Variants in SND1 observed in about 807,000 individuals in gnomAD.
SND1 encodes staphylococcal nuclease and tudor domain containing 1.
SND1 carries 38 observed loss-of-function variants against 121.7 expected under a neutral mutation model. That is an observed-to-expected ratio of 0.31 (90% CI 0.24 to 0.41). The LOEUF (loss-of-function observed/expected upper bound fraction) is 0.41. SND1 is among the 10% of genes least tolerant of loss of function. The pLI is 1.00. For synonymous variants in SND1, 401 were observed against 447.4 expected (o/e 0.90, Z 1.31); for missense variants, 868 against 1,184.6 (o/e 0.73, Z 3.92).
intron 16 of SND1, among the ~76,000 whole-genome samples, chr7:127,993,332 T>C (rs1802563083): frequency 1.3e-5 from 2 of 152,234 alleles, no homozygotes; most frequent in Non-Finnish European, 2.9e-5. Context: ...TCTTGGGGAA[T>C]GCTTCTCTTT....
chr7:128,022,480 C>T (rs1803379175), intron 16 of SND1, among the ~76,000 whole-genome samples: 1 of 152,184 alleles, frequency 6.6e-6, no homozygotes, highest in African/African-American at 2.4e-5. Flanking sequence ...ATCATGCCAT[C>T]GTCTCAAATG....
At chr7:127,908,298 C>CA (rs398048113) in intron 14 of SND1, among the ~76,000 whole-genome samples, 77 of 134,456 alleles carry the variant, frequency 5.7e-4, no homozygotes, top group East Asian at 1.3e-3. Flanking sequence ...CCATCTCTAC[C>CA]AAAAAAAAAA....
At chr7:128,045,089 G>GA (rs1792923787) in intron 16 of SND1, among the ~76,000 whole-genome samples, 1 of 152,128 alleles carries the variant, frequency 6.6e-6, no homozygotes, top group African/African-American at 2.4e-5. Context: ...GCTGATGGGA[G>GA]AAAAAAGCAA....
At chr7:127,940,686 C>T (rs998817976) in intron 15 of SND1, among the ~76,000 whole-genome samples, 13 of 152,172 alleles carry the variant, frequency 8.5e-5, no homozygotes, top group African/African-American at 3.1e-4. Flanking sequence ...TTGCCCCCTT[C>T]CCCAAACTCC....
At chr7:128,031,240 C>T (rs765380664) in intron 16 of SND1, among the ~76,000 whole-genome samples, 130 of 152,170 alleles carry the variant, frequency 8.5e-4, no homozygotes, top group Non-Finnish European at 1.7e-3. Context: ...TGTCCTTGGA[C>T]CCTGGCACCG....
At chr7:127,777,756 G>T (rs1308074245) in intron 10 of SND1, among the ~76,000 whole-genome samples, 2 of 152,138 alleles carry the variant, frequency 1.3e-5, no homozygotes, top group Admixed American at 1.3e-4. Context: ...GACCAATCTG[G>T]TGTCCAACTC....
intron 15 of SND1, among the ~76,000 whole-genome samples, chr7:127,975,275 G>A (rs1020863690): frequency 3.3e-5 from 5 of 152,134 alleles, no homozygotes; most frequent in African/African-American, 1.2e-4. Flanking sequence ...CCCCAGTATT[G>A]AGTTGAGTGT....
chr7:127,877,283 T>G (rs967141036), intron 12 of SND1, among the ~76,000 whole-genome samples: 13 of 152,182 alleles, frequency 8.5e-5, no homozygotes, highest in Admixed American at 6.5e-4. Flanking sequence ...TTATGCCTTC[T>G]TCCTTCTCCT....
At chr7:127,896,447 A>G (rs1800121661) in intron 13 of SND1, among the ~76,000 whole-genome samples, 2 of 152,108 alleles carry the variant, frequency 1.3e-5, no homozygotes, top group African/African-American at 4.8e-5. Context: ...GCACATCACT[A>G]TCGCTCGGAA....
chr7:127,813,315 G>T (rs1244472985), intron 11 of SND1, among the ~76,000 whole-genome samples: 5 of 152,162 alleles, frequency 3.3e-5, no homozygotes, highest in Non-Finnish European at 7.4e-5. Flanking sequence ...TGATTCTTGA[G>T]CTCTCTTGTA....
intron 1 of SND1, among the ~76,000 whole-genome samples, chr7:127,661,224 G>A (rs1277326447): frequency 6.6e-6 from 1 of 152,124 alleles, no homozygotes; most frequent in Non-Finnish European, 1.5e-5. Context: ...TCCACTTATA[G>A]TGACTCAGAT....
intron 16 of SND1, among the ~76,000 whole-genome samples, chr7:128,044,624 T>TC (rs1194647531): frequency 2.7e-3 from 142 of 52,388 alleles, no homozygotes; most frequent in African/African-American, 8.2e-3. Context: ...CCCTCCCATC[T>TC]CCCCCCCCAC....
At chr7:127,657,199 T>C (rs1795226655) in intron 1 of SND1, among the ~76,000 whole-genome samples, 1 of 152,200 alleles carries the variant, frequency 6.6e-6, no homozygotes, top group Admixed American at 6.5e-5. Flanking sequence ...ATTTAAAAAG[T>C]AGATCAAATT....
chr7:127,972,123 C>A (rs1802005352), intron 15 of SND1, among the ~76,000 whole-genome samples: 2 of 152,208 alleles, frequency 1.3e-5, no homozygotes, highest in South Asian at 2.1e-4. Context: ...AAACACCATA[C>A]ATGAAGATAT....
At chr7:128,005,352 C>T (rs1170404981) in intron 16 of SND1, among the ~76,000 whole-genome samples, 1 of 152,220 alleles carries the variant, frequency 6.6e-6, no homozygotes, top group Non-Finnish European at 1.5e-5. Flanking sequence ...CACCCAGTGA[C>T]TGGAAGACTG....
At chr7:127,714,211 G>A (rs1207191964) in intron 9 of SND1, among the ~76,000 whole-genome samples, 1 of 152,148 alleles carries the variant, frequency 6.6e-6, no homozygotes, top group African/African-American at 2.4e-5. Context: ...TGAACTAGGT[G>A]CTTTGAAAAG....
At position 127,698,692 on chromosome 7, in the gene SND1, A is replaced by G. The variant is rs555796867; in HGVS notation, c.350-183A>G. On this transcript the variant is annotated intron_variant, in intron 3 of 23. Coordinates refer to ENST00000354725, the MANE Select transcript of SND1 (RefSeq NM_014390.4). ...AGATTGATAGAACTTTGGGTCCTAG[A>G]GACTAGATATTATGGGAAAAGAGGT... Among the ~76,000 whole-genome samples, 194 of 152,330 alleles carry G rather than the reference A, an allele frequency of 1.3e-3. 1 individual carries two copies. Among genetic ancestry groups the G allele is most frequent in the African/African-American group, 4.6e-3 (191 of 41,564 alleles).
chr7:127,941,128 C>CATTTTATT (rs1801190983), intron 15 of SND1, among the ~76,000 whole-genome samples: 1 of 152,218 alleles, frequency 6.6e-6, no homozygotes, highest in African/African-American at 2.4e-5. Context: ...ACTGCATTCT[C>CATTTTATT]TCCGTCATTT....
At chr7:127,879,184 C>G (rs972493614) in intron 12 of SND1, among the ~76,000 whole-genome samples, 1 of 152,130 alleles carries the variant, frequency 6.6e-6, no homozygotes, top group African/African-American at 2.4e-5. Context: ...AGATCTCTCT[C>G]AACTATAATT....
Sources: allele counts gnomAD v4.1 joint callset (sites outside exome capture counted in the v4.1 genomes callset), GRCh38; gene constraint gnomAD v4.1.1; transcripts MANE v1.5; gene names NCBI Gene and HGNC (gene_info 2026-07-23, HGNC 2026-07-21).